USH2A: variants seen among roughly 807,000 people sequenced by gnomAD.
The protein encoded by USH2A is Usher syndrome 2A (autosomal recessive, mild).
USH2A carries 443 observed loss-of-function variants against 538.9 expected under a neutral mutation model. The observed-to-expected ratio is 0.82, with a 90% CI of 0.76 to 0.89. The LOEUF (loss-of-function observed/expected upper bound fraction) is 0.89. Ranked by LOEUF, USH2A falls within the 40% of genes least tolerant of loss-of-function variation. The pLI, the probability that USH2A is intolerant of heterozygous loss-of-function variation, is 0.00. For missense variants in USH2A, 6,633 were observed against 6,324.8 expected (o/e 1.05, Z -1.65); for synonymous variants, 2,413 against 2,273.5 (o/e 1.06, Z -1.75).
chr1:216,156,295 C>CTTTTT lies in USH2A; in HGVS notation c.4627+18952_4627+18956dup, dbSNP rs35698520. ...TTCTTTCTTTCTTTCTTTTTTTTTT[C>CTTTTT]TTTTTTTTTTTTTTTTTGGCCTAGC... On this transcript the variant is annotated intron_variant, in intron 21 of 71. Transcript: ENST00000307340. 4.8e-3 allele frequency among the ~76,000 whole-genome samples: 509 copies of CTTTTT among 105,474 alleles called. 14 individuals carry two copies. Among genetic ancestry groups the CTTTTT allele is most frequent in the African/African-American group, 0.012 (339 of 27,820 alleles). The allele number at this position is 105,474 out of a possible 152,430, so 69.2% of individuals were successfully genotyped here. A position where few individuals can be genotyped will look rare whatever the true frequency, so the allele number is the denominator to read the frequency against.
At chr1:215,728,414 A>G (rs1659896643) in intron 60 of USH2A, 30 bp from the exon 61 acceptor site, 2 of 1,601,740 alleles carry the variant, frequency 1.2e-6, no homozygotes, top group Admixed American at 1.7e-5. Flanking sequence ...GCAACCAGTG[A>G]CAGCTGCACA....
chr1:216,422,526 A>C lies in USH2A; in HGVS notation c.-190T>G. 1 of 716,694 alleles carries C rather than the reference A, an allele frequency of 1.4e-6. No homozygotes were observed. The allele number at this position is 716,694 out of a possible 1,614,324, so 44.4% of individuals were successfully genotyped here. ...CGTTCTTAGCAATGGCGAAGACATG[A>C]GTAGCTGCTGGTATCTGGGAATCAA... On this transcript the variant is annotated 5_prime_UTR_variant, in exon 2 of 72. Coordinates refer to ENST00000307340, the MANE Select transcript of USH2A (RefSeq NM_206933.4).
intron 32 of USH2A, among the ~76,000 whole-genome samples, chr1:216,013,223 A>C (rs1257191516): frequency 2.0e-5 from 3 of 151,092 alleles, no homozygotes; most frequent in East Asian, 2.0e-4. Context: ...CATCACCAAT[A>C]ATTCTAAATG....
chr1:215,736,699 T>G (rs966569659), intron 60 of USH2A, among the ~76,000 whole-genome samples: 5 of 151,932 alleles, frequency 3.3e-5, no homozygotes, highest in African/African-American at 1.2e-4. Context: ...TTATAATATA[T>G]TATACATACC....
At chr1:216,124,616 A>G (rs1484276532) in intron 21 of USH2A, among the ~76,000 whole-genome samples, 1 of 152,194 alleles carries the variant, frequency 6.6e-6, no homozygotes, top group Non-Finnish European at 1.5e-5. Context: ...AGATCAAGAT[A>G]AGAACATATT....
At chr1:215,747,303 G>A (rs1660497725) in intron 58 of USH2A, among the ~76,000 whole-genome samples, 1 of 152,088 alleles carries the variant, frequency 6.6e-6, no homozygotes, top group Non-Finnish European at 1.5e-5. Flanking sequence ...TAAAGAAACA[G>A]GAAAAGATAT....
intron 34 of USH2A, among the ~76,000 whole-genome samples, chr1:215,998,675 T>C (rs1010999103): frequency 6.6e-6 from 1 of 151,082 alleles, no homozygotes; most frequent in African/African-American, 2.5e-5. Flanking sequence ...CAGGGTGTTA[T>C]TCTATCATTT....
intron 58 of USH2A, among the ~76,000 whole-genome samples, chr1:215,756,496 G>A (rs943468542): frequency 2.0e-5 from 3 of 152,168 alleles, no homozygotes; most frequent in African/African-American, 4.8e-5. Context: ...AATTTGGATT[G>A]TAGAAGACCC....
chr1:216,394,876 G>A (rs1265311420), intron 3 of USH2A, among the ~76,000 whole-genome samples: 7 of 151,314 alleles, frequency 4.6e-5, no homozygotes, highest in South Asian at 2.1e-4. Context: ...CCGCCACCAC[G>A]CCCGGCTAAT....
At chr1:215,892,153 G>C (rs1015509039) in intron 40 of USH2A, among the ~76,000 whole-genome samples, 1 of 152,054 alleles carries the variant, frequency 6.6e-6, no homozygotes, top group African/African-American at 2.4e-5. Flanking sequence ...GCACACACTT[G>C]TTTGTATTTG....
chr1:216,014,202 A>T (rs890523112), intron 32 of USH2A, among the ~76,000 whole-genome samples: 2 of 152,172 alleles, frequency 1.3e-5, no homozygotes, highest in African/African-American at 4.8e-5. Flanking sequence ...AGGGAAAAAA[A>T]TGGAGAAGAG....
At chr1:215,770,818 C>T (rs891000474) in intron 55 of USH2A, among the ~76,000 whole-genome samples, 3 of 151,642 alleles carry the variant, frequency 2.0e-5, no homozygotes, top group South Asian at 4.2e-4. Flanking sequence ...AAGAAAGGGC[C>T]GGGACCGGTG....
At chr1:215,942,388 A>G (rs998731174) in intron 37 of USH2A, among the ~76,000 whole-genome samples, 3 of 152,148 alleles carry the variant, frequency 2.0e-5, no homozygotes, top group African/African-American at 7.2e-5. Flanking sequence ...GGTTTTGAAG[A>G]CACCCAAGGG....
Position 216,300,749 on chromosome 1 carries a change from T to G in USH2A, c.1645-8379A>C, listed in dbSNP as rs12047606. Among the ~76,000 whole-genome samples the G allele has an allele frequency of 6.3e-3, 948 of 151,028 alleles. 6 individuals carry two copies. Among genetic ancestry groups the G allele is most frequent in the East Asian group, 0.036 (185 of 5,132 alleles). ...CTCCTGATAGACTCAATGTTTTTTTTTTTTTTTTTTTGGAGATAAAGGACA... is the reference window on the plus strand; with the variant it reads ...CTCCTGATAGACTCAATGTTTTTTTGTTTTTTTTTTTGGAGATAAAGGACA... On this transcript the variant is annotated intron_variant, in intron 9 of 71. Transcript: ENST00000307340.
At chr1:215,830,342 G>T (rs1259032642) in intron 47 of USH2A, among the ~76,000 whole-genome samples, 1 of 152,204 alleles carries the variant, frequency 6.6e-6, no homozygotes, top group Non-Finnish European at 1.5e-5. Context: ...CACTGCGGCA[G>T]CTGTGGCCAA....
chr1:215,846,319 C>A (rs1030679428), intron 44 of USH2A, among the ~76,000 whole-genome samples: 1 of 152,066 alleles, frequency 6.6e-6, no homozygotes. Context: ...CTCAAGCGAT[C>A]CTCCTGTTTC....
intron 43 of USH2A, among the ~76,000 whole-genome samples, chr1:215,875,919 A>C (rs1664754286): frequency 6.9e-6 from 1 of 143,970 alleles, no homozygotes; most frequent in Non-Finnish European, 1.5e-5. Context: ...AATATATAAT[A>C]TATATTGATT....
At chr1:216,207,975 T>C (rs1253046760) in intron 15 of USH2A, among the ~76,000 whole-genome samples, 2 of 150,382 alleles carry the variant, frequency 1.3e-5, no homozygotes, top group African/African-American at 5.0e-5. Flanking sequence ...AAGAAACGAT[T>C]TGAATATACT....
At chr1:216,203,037 G>T (rs1239780274) in intron 16 of USH2A, among the ~76,000 whole-genome samples, 3 of 151,988 alleles carry the variant, frequency 2.0e-5, no homozygotes, top group Non-Finnish European at 4.4e-5. Flanking sequence ...ACAGTTTCTG[G>T]TCTGGAATAA....
Sources: gnomAD v4.1 joint callset for allele counts (sites outside exome capture counted in the v4.1 genomes callset) on GRCh38, gnomAD v4.1.1 for gene constraint, MANE v1.5 for transcripts, NCBI Gene and HGNC (gene_info 2026-07-23, HGNC 2026-07-21) for gene names.